KALRN: variants seen among roughly 807,000 people sequenced by gnomAD.
The protein encoded by KALRN is kalirin RhoGEF kinase.
Under a neutral mutation model 353.7 loss-of-function variants are expected in KALRN, and 70 were observed. That is an observed-to-expected ratio of 0.20 (90% CI 0.16 to 0.24). The LOEUF is 0.24. KALRN is among the 10% of genes least tolerant of loss of function. KALRN has a pLI of 1.00. For missense variants in KALRN, 2,791 were observed against 3,756.7 expected (o/e 0.74, Z 6.72); for synonymous variants, 1,391 against 1,434.8 (o/e 0.97, Z 0.69).
chr3:124,095,009 C>T, intron 1 of KALRN: 1 of 1,075,432 alleles, frequency 9.3e-7, no homozygotes, highest in Non-Finnish European at 1.4e-6. Context: ...GGAGGGGGGT[C>T]AAGAAGAGAG....
chr3:124,600,468 C>G (rs183750394), intron 34 of KALRN, among the ~76,000 whole-genome samples: 4 of 152,190 alleles, frequency 2.6e-5, no homozygotes, highest in Admixed American at 6.5e-5. Flanking sequence ...AAAGACAGGA[C>G]AGGGCAGTGG....
intron 27 of KALRN, among the ~76,000 whole-genome samples, chr3:124,481,406 C>T (rs937932144): frequency 1.3e-5 from 2 of 152,082 alleles, no homozygotes; most frequent in Admixed American, 1.3e-4. Flanking sequence ...GGGATCTGGC[C>T]ATGTTGCCCC....
intron 34 of KALRN, among the ~76,000 whole-genome samples, chr3:124,567,197 G>A (rs2109983272): frequency 6.6e-6 from 1 of 152,276 alleles, no homozygotes; most frequent in South Asian, 2.1e-4. Flanking sequence ...GTGTTCCATA[G>A]GTGAATCTAA....
chr3:124,264,473 A>C, intron 3 of KALRN, 25 bp from the exon 4 acceptor site: 1 of 1,609,116 alleles, frequency 6.2e-7, no homozygotes, highest in Non-Finnish European at 8.5e-7. Flanking sequence ...CAGAGTGACC[A>C]TACCGACCTC....
chr3:124,265,119 C>T (rs1185298214), intron 4 of KALRN, among the ~76,000 whole-genome samples: 1 of 151,938 alleles, frequency 6.6e-6, no homozygotes, highest in Non-Finnish European at 1.5e-5. Context: ...ATGGGATATC[C>T]ATCACCTCAA....
intron 1 of KALRN, among the ~76,000 whole-genome samples, chr3:124,037,106 T>C (rs77564810): frequency 0.02 from 2,983 of 152,324 alleles, 90 homozygotes; most frequent in African/African-American, 0.066. Flanking sequence ...AGAAACCAAT[T>C]GACCAGCAAT....
At chr3:124,688,880 C>T (rs924057006) in intron 51 of KALRN, among the ~76,000 whole-genome samples, 1 of 152,208 alleles carries the variant, frequency 6.6e-6, no homozygotes, top group African/African-American at 2.4e-5. Flanking sequence ...ACCTGTAACT[C>T]TTTCCTCTTA....
chr3:124,345,061 T>C (rs2082133353), intron 9 of KALRN, among the ~76,000 whole-genome samples: 1 of 152,052 alleles, frequency 6.6e-6, no homozygotes, highest in Admixed American at 6.6e-5. Flanking sequence ...AAAACAAAAC[T>C]CATGAAAACA....
intron 1 of KALRN, among the ~76,000 whole-genome samples, chr3:124,060,459 C>T (rs1336896865): frequency 6.6e-6 from 1 of 152,138 alleles, no homozygotes; most frequent in Non-Finnish European, 1.5e-5. Context: ...TAATGTTTTG[C>T]TGCCTTAGCA....
intron 12 of KALRN, among the ~76,000 whole-genome samples, chr3:124,395,841 C>A (rs1337175004): frequency 1.3e-5 from 2 of 152,144 alleles, no homozygotes; most frequent in Non-Finnish European, 2.9e-5. Flanking sequence ...CCCTGTTACC[C>A]AATTATGACC....
At chr3:124,152,931 T>C (rs146052512) in intron 1 of KALRN, 144 of 184,598 alleles carry the variant, frequency 7.8e-4, no homozygotes, top group African/African-American at 3.4e-3. Flanking sequence ...TGCTTTTTCA[T>C]AGATAAGCTT....
chr3:124,597,973 G>T (rs1561381422), intron 34 of KALRN, among the ~76,000 whole-genome samples: 1 of 152,186 alleles, frequency 6.6e-6, no homozygotes, highest in South Asian at 2.1e-4. Flanking sequence ...GGAACAGGGA[G>T]GGTGGAGTAC....
In KALRN at chr3:124,633,972, C is replaced by T; in HGVS notation, c.5568+19C>T. 1 of 1,601,232 alleles carries T rather than the reference C, an allele frequency of 6.2e-7. No homozygotes were observed. The highest frequency in any genetic ancestry group is 8.6e-7 in the Non-Finnish European group (1 of 1,168,958). The stretch of plus-strand genomic sequence containing the variant: ...TGAAATGGTAGAACTTCTTTACTTG[C>T]TCACTTAAAAGAGCAACGTGCCGTG... On this transcript the variant is annotated intron_variant, in intron 36 of 59. Transcript: ENST00000682506.
intron 12 of KALRN, 189 bp downstream of exon 12, chr3:124,395,532 G>T (rs746823514): frequency 1.8e-4 from 95 of 542,746 alleles, no homozygotes; most frequent in Non-Finnish European, 3.0e-4. Flanking sequence ...AAATGGAAAA[G>T]CTTTAATGTT....
At chr3:124,411,742 A>C (rs2092179839) in intron 13 of KALRN, among the ~76,000 whole-genome samples, 1 of 152,162 alleles carries the variant, frequency 6.6e-6, no homozygotes, top group Non-Finnish European at 1.5e-5. Context: ...CACTGCACCC[A>C]GGCTAAATTA....
chr3:124,524,586 A>G (rs1027303313), intron 33 of KALRN, among the ~76,000 whole-genome samples: 2 of 152,244 alleles, frequency 1.3e-5, no homozygotes, highest in Admixed American at 6.5e-5. Flanking sequence ...CTGCAACACA[A>G]GGACTGAACA....
intron 1 of KALRN, among the ~76,000 whole-genome samples, chr3:124,136,205 ATT>A (rs5852389): frequency 6.0e-5 from 9 of 149,500 alleles, no homozygotes; most frequent in African/African-American, 2.0e-4. Context: ...TGGGTTTTTC[ATT>A]TTTTTTTTTA....
At chr3:124,332,056 G>T (rs539482346) in intron 8 of KALRN, among the ~76,000 whole-genome samples, 1 of 152,236 alleles carries the variant, frequency 6.6e-6, no homozygotes, top group Non-Finnish European at 1.5e-5. Flanking sequence ...TTATGTCTCT[G>T]GTGGGCATCA....
At chr3:124,679,705 ACT>A in intron 51 of KALRN, 188 bp downstream of exon 51, 1 of 671,360 alleles carries the variant, frequency 1.5e-6, no homozygotes, top group East Asian at 2.8e-5. Flanking sequence ...TTGGTAGAAA[ACT>A]CTACCTAGAT....
Sources: gnomAD v4.1 joint callset for allele counts (sites outside exome capture counted in the v4.1 genomes callset) on GRCh38, gnomAD v4.1.1 for gene constraint, MANE v1.5 for transcripts, NCBI Gene and HGNC (gene_info 2026-07-23, HGNC 2026-07-21) for gene names.